GNGT1: variants seen among roughly 807,000 people sequenced by gnomAD.
GNGT1 encodes the protein G protein subunit gamma transducin 1, also known as guanine nucleotide-binding protein G(T) subunit gamma-T1.
GNGT1 carries 4 observed loss-of-function variants against 7.4 expected under a neutral mutation model. That is an observed-to-expected ratio of 0.54 (90% CI 0.27 to 1.24). The LOEUF (loss-of-function observed/expected upper bound fraction) is 1.24. Among genes scored for constraint, GNGT1 ranks in the 50% most tolerant of loss-of-function variants. The pLI is 0.12. For missense variants in GNGT1, 95 were observed against 82.4 expected, an observed-to-expected ratio of 1.15 and a Z score of -0.59; for synonymous variants, 37 against 30.2, an observed-to-expected ratio of 1.23 and a Z score of -0.74.
chr7:93,907,376 A>G (rs978436784), intron 2 of GNGT1, among the ~76,000 whole-genome samples: 17 of 152,140 alleles, frequency 1.1e-4, no homozygotes, highest in African/African-American at 3.9e-4. Flanking sequence ...ATATTGCTGC[A>G]ATACTTTAAG....
intron 2 of GNGT1, chr7:93,909,722 G>T (rs1424034897): frequency 6.8e-6 from 3 of 440,632 alleles, no homozygotes; most frequent in Non-Finnish European, 1.2e-5. Flanking sequence ...ATGCTTCCTG[G>T]CTCCAGTTGA....
At chr7:93,910,312 G>A (rs1189018737) in intron 2 of GNGT1, 1 of 152,352 alleles carries the variant, frequency 6.6e-6, no homozygotes, top group Non-Finnish European at 1.5e-5. Flanking sequence ...GCACCACCAT[G>A]CTCAATCATT....
At chr7:93,907,747 A>G (rs1441350219) in intron 2 of GNGT1, among the ~76,000 whole-genome samples, 2 of 152,186 alleles carry the variant, frequency 1.3e-5, no homozygotes, top group African/African-American at 4.8e-5. Context: ...ATCTTGTGTT[A>G]TCTTCATACT....
chr7:93,908,265 T>C (rs1439255962), intron 2 of GNGT1, among the ~76,000 whole-genome samples: 2 of 152,086 alleles, frequency 1.3e-5, no homozygotes, highest in African/African-American at 4.8e-5. Flanking sequence ...TGCATATAGA[T>C]ACACATACAT....
chr7:93,909,415 A>G, intron 2 of GNGT1: 3 of 678,650 alleles, frequency 4.4e-6, no homozygotes, highest in African/African-American at 1.8e-5. Context: ...TCACTGAAAT[A>G]ATTTTTAAAC....
At chr7:93,909,108 C>T (rs998915328) in intron 2 of GNGT1, among the ~76,000 whole-genome samples, 1 of 151,776 alleles carries the variant, frequency 6.6e-6, no homozygotes, top group African/African-American at 2.4e-5. Context: ...TTTTTGAGTA[C>T]GACAAGTCTT....
At chr7:93,907,426 A>C (rs905771216) in intron 2 of GNGT1, among the ~76,000 whole-genome samples, 1 of 152,166 alleles carries the variant, frequency 6.6e-6, no homozygotes, top group Non-Finnish European at 1.5e-5. Flanking sequence ...GGTCAGTAAT[A>C]CATAAGTACA....
At position 93,910,896 on chromosome 7, in the gene GNGT1, A is replaced by G. The variant is rs1351314615; in HGVS notation, c.203A>G (p.Lys68Arg). The change falls in exon 3 of 3, where the codon AAA becomes AGA. Residue 68 changes from lysine (K) to arginine (R), a missense_variant. Lys to Arg is a conservative substitution (Grantham distance 26). Coordinates refer to ENST00000248572, the MANE Select transcript of GNGT1 (RefSeq NM_021955.5). ...GACAAAAATCCCTTCAAGGAGCTCA[A>G]AGGAGGCTGTGTGATTTCATAATAC... ...PEDKNPFKEL[K>R]GGCVIS 5 of 1,597,990 alleles carry G rather than the reference A, an allele frequency of 3.1e-6. No homozygotes were observed. In the South Asian group the frequency reaches 4.6e-5, roughly 15 times the overall value.
intron 2 of GNGT1, 104 bp from the exon 3 acceptor site, chr7:93,910,686 C>T: frequency 5.0e-6 from 4 of 805,758 alleles, no homozygotes; most frequent in Non-Finnish European, 5.7e-6. Flanking sequence ...GAGAATCAAA[C>T]TGAAATTATA....
rs960513179 is a variant in GNGT1 at position 93,911,156 on chromosome 7, T to C, written c.*238T>C. On this transcript the variant is annotated 3_prime_UTR_variant, in exon 3 of 3. Coordinates refer to ENST00000248572, the MANE Select transcript of GNGT1 (RefSeq NM_021955.5). ...CCAATAAATATTGCTTAAAGTTCTT[T>C]AAAAAGAACTATGTTTTATAAATGA... The C allele has an allele frequency of 7.7e-5, 17 of 222,090 alleles. No individual in the cohort carries two copies. The Admixed American group carries it at 7.9e-4, about 10-fold the overall frequency. 13.8% of individuals were successfully genotyped at this position (222,090 alleles called of 1,614,324 possible).
chr7:93,908,209 A>G (rs1794406599), intron 2 of GNGT1, among the ~76,000 whole-genome samples: 1 of 152,098 alleles, frequency 6.6e-6, no homozygotes, highest in Admixed American at 6.6e-5. Flanking sequence ...AACCAATTTA[A>G]TATCAGACTG....
intron 2 of GNGT1, chr7:93,909,354 T>G: frequency 1.2e-5 from 6 of 516,462 alleles, no homozygotes; most frequent in Non-Finnish European, 1.7e-5. Flanking sequence ...AGCTAGTAAA[T>G]GAGAAGAGTC....
intron 2 of GNGT1, among the ~76,000 whole-genome samples, chr7:93,909,320 G>T (rs1794424949): frequency 6.6e-6 from 1 of 152,290 alleles, no homozygotes; most frequent in East Asian, 1.9e-4. Flanking sequence ...AACCTTAGAT[G>T]AATTACCTTA....
rs200244489 is a variant in GNGT1 at position 93,910,771 on chromosome 7, C to G, written c.97-19C>G. On this transcript the variant is annotated intron_variant, in intron 2 of 2. Coordinates refer to ENST00000248572, the MANE Select transcript of GNGT1 (RefSeq NM_021955.5). ...CTGTTTTAAACCAAATGAGTCATCC[C>G]TTTTTCCTTCCCCTTAAGGTTTCCA... The G allele has an allele frequency of 8.9e-5, 140 of 1,571,194 alleles. 1 individual carries two copies. The highest frequency in any genetic ancestry group is 6.4e-4 in the South Asian group (54 of 84,916).
chr7:93,908,725 T>C (rs1237082413), intron 2 of GNGT1, among the ~76,000 whole-genome samples: 1 of 151,844 alleles, frequency 6.6e-6, no homozygotes, highest in African/African-American at 2.4e-5. Flanking sequence ...CTAGCTCTGA[T>C]GTATAATCAG....
rs778189581 is a variant in GNGT1 at position 93,910,851 on chromosome 7, T to C, written c.158T>C (p.Leu53Pro). ...YVEERSGEDP[L>P]VKGIPEDKNP... ...GAAGAACGATCTGGCGAGGATCCAC[T>C]GGTAAAGGGCATCCCAGAGGACAAA... The change falls in exon 3 of 3, where the codon CTG (leucine) becomes CCG (proline). Residue 53 changes from leucine (L) to proline (P), a missense_variant. Transcript: ENST00000248572. 3.7e-6 allele frequency: 6 copies of C among 1,608,200 alleles called. No homozygotes were observed. The highest frequency in any genetic ancestry group is 5.1e-6 in the Non-Finnish European group (6 of 1,175,766).
At chr7:93,907,923 A>C (rs192868372) in intron 2 of GNGT1, among the ~76,000 whole-genome samples, 2 of 152,334 alleles carry the variant, frequency 1.3e-5, no homozygotes, top group African/African-American at 4.8e-5. Context: ...GACAAGTTAA[A>C]GTCCTTATTT....
intron 2 of GNGT1, among the ~76,000 whole-genome samples, chr7:93,908,676 T>C (rs911261077): frequency 3.3e-5 from 5 of 151,090 alleles, no homozygotes; most frequent in African/African-American, 1.2e-4. Context: ...AATAATATGT[T>C]ATATTATATA....
intron 2 of GNGT1, chr7:93,909,424 A>G: frequency 2.9e-6 from 2 of 684,844 alleles, no homozygotes; most frequent in East Asian, 5.4e-5. Flanking sequence ...TAATTTTTAA[A>G]CCTATACACA....
Sources: gnomAD v4.1 joint callset for allele counts (sites outside exome capture counted in the v4.1 genomes callset) on GRCh38, gnomAD v4.1.1 for gene constraint, MANE v1.5 for transcripts, NCBI Gene and HGNC (gene_info 2026-07-23, HGNC 2026-07-21) for gene names.